The following ITPR1 variants were observed in gnomAD, a reference collection of about 807,000 sequenced individuals.
The protein encoded by ITPR1 is inositol 1,4,5-trisphosphate-gated calcium channel ITPR1.
In ITPR1, 96 loss-of-function variants were observed where a neutral mutation model predicts 318.4. The ratio of observed to expected loss-of-function variants is 0.30; its 90% confidence interval spans 0.26 to 0.36. ITPR1 has a LOEUF of 0.36. ITPR1 is among the 10% of genes least tolerant of loss of function. The pLI is 1.00. For synonymous variants in ITPR1, 1,312 were observed against 1,289.9 expected (o/e 1.02, Z -0.37); for missense variants, 2,440 against 3,460.2 (o/e 0.71, Z 7.40).
At chr3:4,533,914 A>T (rs1403673972) in intron 4 of ITPR1, among the ~76,000 whole-genome samples, 1 of 152,130 alleles carries the variant, frequency 6.6e-6, no homozygotes, top group Non-Finnish European at 1.5e-5. Context: ...TCTTACCCCA[A>T]ACAGCAGGCA....
At chr3:4,619,386 G>A (rs2092507900) in intron 4 of ITPR1, among the ~76,000 whole-genome samples, 1 of 152,012 alleles carries the variant, frequency 6.6e-6, no homozygotes. Flanking sequence ...TGGACCTATG[G>A]ATTGTTCTGT....
At chr3:4,822,621 T>G (rs971712076) in intron 60 of ITPR1, among the ~76,000 whole-genome samples, 10 of 152,330 alleles carry the variant, frequency 6.6e-5, no homozygotes, top group Admixed American at 5.9e-4. Flanking sequence ...CCCTGAGTTC[T>G]GTGTATTCAA....
chr3:4,593,142 G>T (rs997368434), intron 4 of ITPR1, among the ~76,000 whole-genome samples: 1 of 152,214 alleles, frequency 6.6e-6, no homozygotes, highest in East Asian at 1.9e-4. Context: ...TGAACAACAC[G>T]ATGCGGTGTG....
At chr3:4,638,494 G>C (rs2093257150) in intron 5 of ITPR1, among the ~76,000 whole-genome samples, 1 of 152,114 alleles carries the variant, frequency 6.6e-6, no homozygotes, top group Admixed American at 6.5e-5. Context: ...GCTTTACCAT[G>C]TTCCCCCCCT....
chr3:4,759,503 C>A (rs2045278078), intron 44 of ITPR1, among the ~76,000 whole-genome samples: 1 of 152,072 alleles, frequency 6.6e-6, no homozygotes. Flanking sequence ...TTCTGTGTGG[C>A]CCTGGCAAGT....
At chr3:4,740,399 C>T (rs1017012355) in intron 44 of ITPR1, among the ~76,000 whole-genome samples, 1 of 152,218 alleles carries the variant, frequency 6.6e-6, no homozygotes, top group Non-Finnish European at 1.5e-5. Context: ...TTAGGATAAG[C>T]TCACTGGGAA....
chr3:4,812,176 A>G (rs2048981338), intron 56 of ITPR1, among the ~76,000 whole-genome samples: 2 of 151,936 alleles, frequency 1.3e-5, no homozygotes, highest in Non-Finnish European at 2.9e-5. Flanking sequence ...CAGTAGCTGA[A>G]ACTGCAGGCG....
At chr3:4,594,334 C>T (rs1023591371) in intron 4 of ITPR1, among the ~76,000 whole-genome samples, 4 of 152,292 alleles carry the variant, frequency 2.6e-5, no homozygotes, top group Middle Eastern at 6.8e-3. Context: ...TTTCCCCCTT[C>T]CCTGTCTTGC....
chr3:4,555,482 G>A lies in ITPR1; in HGVS notation c.163+34388G>A, dbSNP rs112074983. 2.8e-3 allele frequency among the ~76,000 whole-genome samples: 428 copies of A among 152,214 alleles called. 2 individuals carry two copies. Among genetic ancestry groups the A allele is most frequent in the African/African-American group, 9.8e-3 (407 of 41,540 alleles). On this transcript the variant is annotated intron_variant, in intron 4 of 61. Transcript: ENST00000649015. ...ATTCTGCAATTTGGTTTTTTCACCT[G>A]ACTCCTTTCTTAACCCATTTTTTGT...
chr3:4,522,686 G>A (rs546496213), intron 4 of ITPR1, among the ~76,000 whole-genome samples: 11 of 152,182 alleles, frequency 7.2e-5, no homozygotes, highest in African/African-American at 1.9e-4. Flanking sequence ...GAAATGTTTC[G>A]TCCAACGATC....
chr3:4,516,288 G>A (rs1188380359), intron 2 of ITPR1, among the ~76,000 whole-genome samples, 188 bp from the exon 3 acceptor site: 2 of 152,102 alleles, frequency 1.3e-5, no homozygotes, highest in Admixed American at 6.5e-5. Flanking sequence ...GATAATATAC[G>A]GGGAAAAAGT....
chr3:4,676,158 A>G lies in ITPR1; in HGVS notation c.2780-456A>G, dbSNP rs150638329. On this transcript the variant is annotated intron_variant, in intron 23 of 61. Coordinates refer to ENST00000649015, the MANE Select transcript of ITPR1 (RefSeq NM_001378452.1). ...GGAGTTCGAGACCAGGCTGGGCAAT[A>G]TAGAGAGAACCTATCTCTACCAAAA... Among the ~76,000 whole-genome samples, 129 of 149,778 alleles carry G rather than the reference A, an allele frequency of 8.6e-4. 1 individual carries two copies. Among genetic ancestry groups the G allele is most frequent in the African/African-American group, 2.9e-3 (119 of 40,700 alleles).
intron 5 of ITPR1, among the ~76,000 whole-genome samples, chr3:4,636,478 G>C (rs2093193449): frequency 6.6e-6 from 1 of 152,178 alleles, no homozygotes; most frequent in South Asian, 2.1e-4. Flanking sequence ...ACCCAGGCTA[G>C]AGTGCAGTGG....
chr3:4,727,312 C>A (rs1461506587), intron 42 of ITPR1, 139 bp downstream of exon 42: 2 of 586,606 alleles, frequency 3.4e-6, no homozygotes, highest in African/African-American at 1.9e-5. Flanking sequence ...GCAATCACAG[C>A]CATGTATATA....
At chr3:4,520,298 C>A (rs980788703) in intron 3 of ITPR1, among the ~76,000 whole-genome samples, 1 of 152,208 alleles carries the variant, frequency 6.6e-6, no homozygotes, top group African/African-American at 2.4e-5. Flanking sequence ...TTAGACTTAG[C>A]AGTCAGGACT....
At chr3:4,546,916 T>C (rs569262956) in intron 4 of ITPR1, among the ~76,000 whole-genome samples, 20 of 152,226 alleles carry the variant, frequency 1.3e-4, no homozygotes, top group Admixed American at 3.9e-4. Flanking sequence ...TAACTTTGAG[T>C]GTTTGGAAAA....
chr3:4,819,229 C>T (rs929753483), intron 60 of ITPR1, among the ~76,000 whole-genome samples: 5 of 152,192 alleles, frequency 3.3e-5, no homozygotes, highest in African/African-American at 9.6e-5. Flanking sequence ...GCAGCGATTA[C>T]GTGGTTGTGT....
intron 46 of ITPR1, among the ~76,000 whole-genome samples, chr3:4,770,307 G>T (rs2046106436): frequency 6.6e-6 from 1 of 152,186 alleles, no homozygotes; most frequent in African/African-American, 2.4e-5. Context: ...GCCTGGATTA[G>T]CTAAGAAATT....
intron 47 of ITPR1, among the ~76,000 whole-genome samples, chr3:4,776,854 C>A (rs181324951): frequency 3.9e-5 from 6 of 152,272 alleles, no homozygotes; most frequent in Non-Finnish European, 7.4e-5. Context: ...AGGAAACTTG[C>A]TTTCCAAGCT....
Sources: gnomAD v4.1 joint callset for allele counts (sites outside exome capture counted in the v4.1 genomes callset) on GRCh38, gnomAD v4.1.1 for gene constraint, MANE v1.5 for transcripts, NCBI Gene and HGNC (gene_info 2026-07-23, HGNC 2026-07-21) for gene names.